The following OSBPL9 variants were observed in gnomAD, a reference collection of about 807,000 sequenced individuals.
OSBPL9 encodes the protein oxysterol-binding protein-related protein 9.
In OSBPL9, 40 loss-of-function variants were observed where a neutral mutation model predicts 106.6. The ratio of observed to expected loss-of-function variants is 0.38; its 90% confidence interval spans 0.29 to 0.49. OSBPL9 has a LOEUF of 0.49. Ranked by LOEUF, OSBPL9 falls within the 20% of genes least tolerant of loss-of-function variation. OSBPL9 has a pLI of 0.97. For missense variants in OSBPL9, 609 were observed against 887.2 expected (o/e 0.69, Z 3.98); for synonymous variants, 269 against 295.4 (o/e 0.91, Z 0.92).
At chr1:51,642,645 A>T (rs1248751390) in intron 1 of OSBPL9, among the ~76,000 whole-genome samples, 1 of 152,212 alleles carries the variant, frequency 6.6e-6, no homozygotes, top group South Asian at 2.1e-4. Flanking sequence ...TAGGAAAGGT[A>T]ATAAGCCTAA....
At chr1:51,541,046 G>A in the OSBPL9 span, among the ~76,000 whole-genome samples, 9 of 151,814 alleles carry the variant, frequency 5.9e-5, no homozygotes, top group South Asian at 1.2e-3. Flanking sequence ...CAGGAGAATC[G>A]CTTGAACCCG....
intron 2 of OSBPL9, among the ~76,000 whole-genome samples, chr1:51,666,849 A>C (rs1648633571): frequency 6.6e-6 from 1 of 152,236 alleles, no homozygotes; most frequent in African/African-American, 2.4e-5. Flanking sequence ...GGAAGGTTTT[A>C]AACATGTGAG....
intron 14 of OSBPL9, among the ~76,000 whole-genome samples, chr1:51,773,924 G>T (rs1280530351): frequency 1.4e-5 from 2 of 147,774 alleles, no homozygotes; most frequent in Admixed American, 7.0e-5. Context: ...GTAATCATTA[G>T]ATTGTACAGC....
At chr1:51,664,217 A>T (rs949297072) in intron 2 of OSBPL9, among the ~76,000 whole-genome samples, 4 of 152,240 alleles carry the variant, frequency 2.6e-5, no homozygotes, top group Admixed American at 6.5e-5. Context: ...TGAAAACAAC[A>T]TAAATGTCCA....
At chr1:51,696,349 C>T (rs1656006983) in intron 3 of OSBPL9, among the ~76,000 whole-genome samples, 1 of 152,058 alleles carries the variant, frequency 6.6e-6, no homozygotes, top group Admixed American at 6.5e-5. Flanking sequence ...AATCCCTTGC[C>T]AACAAAATTT....
chr1:51,661,106 T>A (rs1434996665), intron 2 of OSBPL9, among the ~76,000 whole-genome samples: 1 of 152,216 alleles, frequency 6.6e-6, no homozygotes, highest in African/African-American at 2.4e-5. Context: ...TAAATAGACT[T>A]CCAATGTCAT....
At chr1:51,780,135 T>A (rs1156912329) in intron 15 of OSBPL9, among the ~76,000 whole-genome samples, 2 of 149,776 alleles carry the variant, frequency 1.3e-5, no homozygotes, top group Admixed American at 1.3e-4. Flanking sequence ...CATCACTAAT[T>A]ATCAGGGAAA....
intron 4 of OSBPL9, among the ~76,000 whole-genome samples, chr1:51,719,655 C>T (rs187476811): frequency 2.6e-5 from 4 of 152,020 alleles, no homozygotes; most frequent in African/African-American, 9.6e-5. Flanking sequence ...AATTGGGGCC[C>T]ATTTTAGAAA....
the OSBPL9 span, among the ~76,000 whole-genome samples, chr1:51,552,796 T>C: frequency 6.6e-6 from 1 of 152,014 alleles, no homozygotes; most frequent in South Asian, 2.1e-4. Flanking sequence ...GGCTAATTTT[T>C]TTATTTTTAG....
chr1:51,708,258 C>CTT (rs1659026873), intron 3 of OSBPL9: 1 of 138,568 alleles, frequency 7.2e-6, no homozygotes, highest in African/African-American at 2.8e-5. Flanking sequence ...CTTTTTTTTT[C>CTT]TTTTTCTTTT....
At chr1:51,753,930 C>T (rs765313930) in intron 8 of OSBPL9, among the ~76,000 whole-genome samples, 3 of 152,094 alleles carry the variant, frequency 2.0e-5, no homozygotes, top group Non-Finnish European at 4.4e-5. Context: ...TTTTAAACCC[C>T]CTGGGTGGTT....
intron 4 of OSBPL9, among the ~76,000 whole-genome samples, chr1:51,735,736 T>G (rs1339329405): frequency 6.6e-6 from 1 of 152,242 alleles, no homozygotes; most frequent in Non-Finnish European, 1.5e-5. Context: ...AATTCTAAGG[T>G]CCAGCATAGT....
At chr1:51,624,733 A>T (rs1037555362) in intron 1 of OSBPL9, among the ~76,000 whole-genome samples, 1 of 152,240 alleles carries the variant, frequency 6.6e-6, no homozygotes, top group African/African-American at 2.4e-5. Flanking sequence ...TACTTTAGAC[A>T]GTCTTGATTT....
At chr1:51,722,674 A>C (rs568315370) in intron 4 of OSBPL9, among the ~76,000 whole-genome samples, 1 of 152,364 alleles carries the variant, frequency 6.6e-6, no homozygotes, top group African/African-American at 2.4e-5. Flanking sequence ...TTTCTGTTGG[A>C]TAATGCATTA....
intron 15 of OSBPL9, 131 bp from the exon 16 acceptor site, chr1:51,781,033 T>C (rs1418602019): frequency 4.5e-6 from 3 of 673,760 alleles, no homozygotes; most frequent in Admixed American, 2.9e-5. Flanking sequence ...AAAATGAAAC[T>C]GTAAGCTAAC....
At chr1:51,614,106 G>A (rs954562359), upstream of OSBPL9, among the ~76,000 whole-genome samples, 1 of 151,998 alleles carries the variant, frequency 6.6e-6, no homozygotes, top group Non-Finnish European at 1.5e-5. Context: ...GATGCCAAAC[G>A]TCTACCTTAT....
At chr1:51,785,663 G>A in intron 20 of OSBPL9, 145 bp from the exon 21 acceptor site, 1 of 634,042 alleles carries the variant, frequency 1.6e-6, no homozygotes. Flanking sequence ...GTTAGCCCTG[G>A]GGAGTCCAGT....
At chr1:51,538,586 T>C in the OSBPL9 span, 1 of 152,340 alleles carries the variant, frequency 6.6e-6, no homozygotes, top group African/African-American at 2.4e-5. Context: ...TTTAAATATG[T>C]AAAGGTAAAC....
At chr1:51,538,315 A>T in the OSBPL9 span, among the ~76,000 whole-genome samples, 5 of 152,302 alleles carry the variant, frequency 3.3e-5, no homozygotes, top group Admixed American at 1.3e-4. Context: ...TAAATAAATA[A>T]ACAAGATAGA....
Sources: allele counts gnomAD v4.1 joint callset (sites outside exome capture counted in the v4.1 genomes callset), GRCh38; gene constraint gnomAD v4.1.1; transcripts MANE v1.5; gene names NCBI Gene and HGNC (gene_info 2026-07-23, HGNC 2026-07-21).